CACNB2: variants seen among roughly 807,000 people sequenced by gnomAD.
CACNB2 encodes calcium voltage-gated channel auxiliary subunit beta 2, also known as voltage-dependent L-type calcium channel subunit beta-2.
A neutral mutation model predicts 73.3 loss-of-function variants in CACNB2; 42 were observed. The observed-to-expected ratio is 0.57, with a 90% CI of 0.45 to 0.74. The LOEUF is 0.74. Ranked by LOEUF, CACNB2 falls within the 30% of genes least tolerant of loss-of-function variation. The pLI is 0.00. For synonymous variants in CACNB2, 348 were observed against 310.3 expected (o/e 1.12, Z -1.28); for missense variants, 940 against 853.0 (o/e 1.10, Z -1.27).
At chr10:18,520,352 TTG>T (rs554881782) in intron 9 of CACNB2, among the ~76,000 whole-genome samples, 318 of 152,352 alleles carry the variant, frequency 2.1e-3, no homozygotes, top group South Asian at 7.9e-3. Context: ...GCAAATGCTG[TTG>T]TCTTTATCTT....
chr10:18,185,565 C>G (rs1271345727), intron 2 of CACNB2, among the ~76,000 whole-genome samples: 1 of 152,148 alleles, frequency 6.6e-6, no homozygotes, highest in Non-Finnish European at 1.5e-5. Context: ...GACACAGTTT[C>G]TAGCAGGGTA....
At chr10:18,431,778 T>C (rs984728593) in intron 3 of CACNB2, among the ~76,000 whole-genome samples, 125 of 152,260 alleles carry the variant, frequency 8.2e-4, no homozygotes, top group Admixed American at 5.4e-3. Context: ...TTTTCTTTTT[T>C]TTTTGAGATG....
chr10:18,240,206 C>T (rs1359948118), intron 2 of CACNB2, among the ~76,000 whole-genome samples: 2 of 152,206 alleles, frequency 1.3e-5, no homozygotes, highest in Non-Finnish European at 2.9e-5. Flanking sequence ...TTCTCCTTGA[C>T]ATTTTGTTCC....
intron 1 of CACNB2, among the ~76,000 whole-genome samples, chr10:18,150,490 C>T (rs1229020449): frequency 6.6e-6 from 1 of 152,106 alleles, no homozygotes; most frequent in African/African-American, 2.4e-5. Context: ...ATGGAGAAAC[C>T]CTGTCTCTAC....
chr10:18,487,921 C>T (rs1332868292), intron 3 of CACNB2, among the ~76,000 whole-genome samples: 3 of 151,432 alleles, frequency 2.0e-5, no homozygotes, highest in Non-Finnish European at 4.4e-5. Flanking sequence ...GCACAGGAAA[C>T]ACTGAAAGGC....
chr10:18,487,981 G>T (rs1251247920), intron 3 of CACNB2, among the ~76,000 whole-genome samples: 2 of 151,468 alleles, frequency 1.3e-5, no homozygotes, highest in African/African-American at 4.8e-5. Flanking sequence ...CATGCAAATT[G>T]TACTTTTAGT....
At chr10:18,261,980 C>T (rs1277269727) in intron 2 of CACNB2, 5 of 518,866 alleles carry the variant, frequency 9.6e-6, no homozygotes, top group African/African-American at 9.6e-5. Context: ...GTGCCTTACA[C>T]TAGCCGACCA....
rs79914679 is a variant in CACNB2, at chr10:18,424,205, T to G, written c.333+22162T>G. Among the ~76,000 whole-genome samples, 50 of 152,236 alleles carry G rather than the reference T, an allele frequency of 3.3e-4. 1 individual carries two copies. Among genetic ancestry groups the G allele is most frequent in the Admixed American group, 1.7e-3 (26 of 15,294 alleles). On this transcript the variant is annotated intron_variant, in intron 3 of 13. Coordinates refer to ENST00000324631, the MANE Select transcript of CACNB2 (RefSeq NM_201596.3). Reference sequence around the variant, plus strand: ...TTCTTGGATTTGCCCAGGAAAGAATTCAAGGGCAAGCCAGAGGGAGAGGAA... The same window carrying G: ...TTCTTGGATTTGCCCAGGAAAGAATGCAAGGGCAAGCCAGAGGGAGAGGAA...
intron 4 of CACNB2, among the ~76,000 whole-genome samples, chr10:18,500,389 A>C (rs1057302666): frequency 2.6e-5 from 4 of 152,218 alleles, no homozygotes; most frequent in Non-Finnish European, 5.9e-5. Context: ...TGTGACATGA[A>C]ATATTTAAGG....
intron 5 of CACNB2, among the ~76,000 whole-genome samples, chr10:18,501,334 C>T (rs952698974): frequency 1.3e-5 from 2 of 152,242 alleles, no homozygotes; most frequent in Non-Finnish European, 2.9e-5. Context: ...TGAGAGATGA[C>T]ATTCTCAGAC....
At chr10:18,151,019 A>G (rs556693625) in intron 2 of CACNB2, 44 bp downstream of exon 2, 10 of 1,207,350 alleles carry the variant, frequency 8.3e-6, no homozygotes, top group Middle Eastern at 1.9e-4. Flanking sequence ...CCTTAAAATG[A>G]CTTTAGATTT....
intron 2 of CACNB2, among the ~76,000 whole-genome samples, chr10:18,368,347 T>C (rs1239145907): frequency 6.6e-6 from 1 of 152,170 alleles, no homozygotes; most frequent in East Asian, 1.9e-4. Flanking sequence ...AGGATATGAC[T>C]CCATTCCAGT....
At chr10:18,399,570 A>T (rs1310396738) in intron 2 of CACNB2, among the ~76,000 whole-genome samples, 10 of 152,020 alleles carry the variant, frequency 6.6e-5, no homozygotes, top group Admixed American at 5.9e-4. Flanking sequence ...ACTTTTTGAG[A>T]TAGGGTCTCA....
In CACNB2 at chr10:18,199,650, A is replaced by T. The variant is rs111619197; in HGVS notation, c.213+48675A>T. Among the ~76,000 whole-genome samples, 714 of 152,340 alleles carry T rather than the reference A, an allele frequency of 4.7e-3. 2 individuals carry two copies. The highest frequency in any genetic ancestry group is 0.016 in the African/African-American group (686 of 41,578). On this transcript the variant is annotated intron_variant, in intron 2 of 13. Transcript: ENST00000324631. The stretch of plus-strand genomic sequence containing the variant: ...ATAAGGTATACCAGATGTTCAGTTT[A>T]ATTCTAAGTGAAATGAATGCCTTTG...
At chr10:18,268,501 C>T (rs1053434314) in intron 2 of CACNB2, among the ~76,000 whole-genome samples, 4 of 152,022 alleles carry the variant, frequency 2.6e-5, no homozygotes, top group African/African-American at 9.7e-5. Flanking sequence ...TCTGAGAATA[C>T]GTTATATAAA....
chr10:18,302,059 G>A (rs1310988171), intron 2 of CACNB2, among the ~76,000 whole-genome samples: 2 of 151,104 alleles, frequency 1.3e-5, no homozygotes, highest in Non-Finnish European at 2.9e-5. Context: ...GAAAGACTAG[G>A]AGGAAAAGTC....
chr10:18,485,997 A>G (rs1253188540), intron 3 of CACNB2, among the ~76,000 whole-genome samples: 1 of 151,974 alleles, frequency 6.6e-6, no homozygotes, highest in African/African-American at 2.4e-5. Context: ...AGACATTAAA[A>G]CAAACTATGA....
intron 3 of CACNB2, among the ~76,000 whole-genome samples, chr10:18,482,702 G>A (rs920957963): frequency 6.6e-6 from 1 of 152,066 alleles, no homozygotes; most frequent in African/African-American, 2.4e-5. Flanking sequence ...AGTAGAGACA[G>A]GGTTTCACCA....
intron 2 of CACNB2, among the ~76,000 whole-genome samples, chr10:18,396,573 C>T (rs1251009409): frequency 2.6e-5 from 4 of 151,992 alleles, no homozygotes; most frequent in Non-Finnish European, 5.9e-5. Context: ...AGGGTTCAAG[C>T]GATTCTCCTG....
Sources: allele counts gnomAD v4.1 joint callset (sites outside exome capture counted in the v4.1 genomes callset), GRCh38; gene constraint gnomAD v4.1.1; transcripts MANE v1.5; gene names NCBI Gene and HGNC (gene_info 2026-07-23, HGNC 2026-07-21).